CCND3: variants seen among roughly 807,000 people sequenced by gnomAD.
CCND3 encodes cyclin D3, also known as G1/S-specific cyclin-D3.
CCND3 carries 9 observed loss-of-function variants against 28.7 expected under a neutral mutation model. The observed-to-expected ratio is 0.31, with a 90% CI of 0.19 to 0.55. The LOEUF is 0.55. CCND3 is among the 20% of genes least tolerant of loss of function. The probability of loss-of-function intolerance (pLI) is 0.93; values close to 1 mark genes in which losing one functional copy is unlikely to be tolerated. For missense variants in CCND3, 315 were observed against 385.8 expected (o/e 0.82, Z 1.54); for synonymous variants, 164 against 163.9 (o/e 1.00, Z 0.00).
At chr6:41,943,538 A>G (rs191038664), upstream of CCND3, among the ~76,000 whole-genome samples, 546 of 152,338 alleles carry the variant, frequency 3.6e-3, 4 homozygotes, top group Non-Finnish European at 6.7e-3. Flanking sequence ...AATTATTTCT[A>G]GTTCTTCTCT....
intron 1 of CCND3, among the ~76,000 whole-genome samples, chr6:41,980,111 G>A (rs1762299580): frequency 7.8e-6 from 1 of 127,504 alleles, no homozygotes; most frequent in Non-Finnish European, 1.6e-5. Context: ...GAAGTATCAG[G>A]CTCAGATAGG....
chr6:41,935,837 A>AAAGCC lies in CCND3; in HGVS notation c.*102_*103insGGCTT. 9.0e-7 allele frequency: 1 copy of AAAGCC among 1,116,378 alleles called. No individual in the cohort carries two copies. Among genetic ancestry groups the AAAGCC allele is most frequent in the South Asian group, 1.3e-5 (1 of 75,492 alleles). 69.2% of individuals were successfully genotyped at this position (1,116,378 alleles called of 1,614,324 possible). On this transcript the variant is annotated 3_prime_UTR_variant, in exon 5 of 5. Coordinates refer to ENST00000372991, the MANE Select transcript of CCND3 (RefSeq NM_001760.5). ...CTTGGGCTTTGTGAAGGGGGAACAG[A>AAAGCC]CGCCCCTTCAGGCTTAGATGTGGTG...
intron 1 of CCND3, among the ~76,000 whole-genome samples, chr6:42,022,871 C>T (rs543075998): frequency 2.6e-5 from 4 of 152,202 alleles, no homozygotes; most frequent in Admixed American, 2.6e-4. Context: ...AGTGGGATGG[C>T]GCTGGCCTAA....
At chr6:42,023,323 A>G (rs4714552) in intron 1 of CCND3, among the ~76,000 whole-genome samples, 118,087 of 152,194 alleles carry the variant, frequency 0.78, 45,951 homozygotes, top group East Asian at 0.93. Context: ...GTACAAGATG[A>G]CTGTATGCGC....
At chr6:42,000,442 G>T (rs13207451) in intron 1 of CCND3, among the ~76,000 whole-genome samples, 4 of 149,666 alleles carry the variant, frequency 2.7e-5, no homozygotes, top group Non-Finnish European at 5.9e-5. Context: ...GGGTTTCATC[G>T]TGGTCTCGAT....
intron 1 of CCND3, among the ~76,000 whole-genome samples, chr6:41,965,161 C>T (rs560934074): frequency 2.7e-4 from 39 of 145,230 alleles, no homozygotes; most frequent in African/African-American, 9.4e-4. Flanking sequence ...CTTCCGCCTC[C>T]TGGGTTCAAG....
At chr6:41,993,957 A>AGC (rs1762727654) in intron 1 of CCND3, among the ~76,000 whole-genome samples, 2 of 141,242 alleles carry the variant, frequency 1.4e-5, no homozygotes, top group Non-Finnish European at 3.1e-5. Flanking sequence ...AAAAAAAAAA[A>AGC]AAAAAGAGCT....
At chr6:42,049,131 A>C (rs981849562), upstream of CCND3, among the ~76,000 whole-genome samples, 37 of 152,016 alleles carry the variant, frequency 2.4e-4, no homozygotes, top group African/African-American at 8.7e-4. Flanking sequence ...CGCCTCCCGG[A>C]TTCAAGCTAT....
At chr6:41,945,939 C>T (rs570125804), upstream of CCND3, among the ~76,000 whole-genome samples, 4 of 152,280 alleles carry the variant, frequency 2.6e-5, no homozygotes, top group African/African-American at 9.6e-5. Flanking sequence ...GAACATGCAT[C>T]CATAACCCCT....
intron 1 of CCND3, among the ~76,000 whole-genome samples, chr6:42,007,919 C>G (rs935987492): frequency 6.6e-6 from 1 of 151,570 alleles, no homozygotes; most frequent in Non-Finnish European, 1.5e-5. Flanking sequence ...AGAAACCTGA[C>G]GGTGACAGGA....
intron 1 of CCND3, among the ~76,000 whole-genome samples, chr6:42,030,637 TCACCAC>T (rs1764016939): frequency 6.6e-6 from 1 of 152,160 alleles, no homozygotes; most frequent in Admixed American, 6.5e-5. Flanking sequence ...TTCCCCAGAC[TCACCAC>T]CACAGCCTGG....
chr6:41,967,765 G>A (rs1369239086), intron 1 of CCND3, among the ~76,000 whole-genome samples: 1 of 152,156 alleles, frequency 6.6e-6, no homozygotes, highest in Non-Finnish European at 1.5e-5. Flanking sequence ...GTGACTTGCA[G>A]AACCTGTTAA....
intron 1 of CCND3, among the ~76,000 whole-genome samples, chr6:42,012,625 T>C (rs931780965): frequency 6.6e-6 from 1 of 151,874 alleles, no homozygotes; most frequent in Non-Finnish European, 1.5e-5. Context: ...TAAAATAAAA[T>C]GATGAGTGAA....
intron 1 of CCND3, among the ~76,000 whole-genome samples, chr6:41,950,184 C>T (rs777253628): frequency 6.6e-6 from 1 of 151,656 alleles, no homozygotes; most frequent in Non-Finnish European, 1.5e-5. Flanking sequence ...ATGAGGCTTT[C>T]CTGTTCTGTC....
intron 1 of CCND3, among the ~76,000 whole-genome samples, chr6:41,948,845 C>CAAA (rs112279157): frequency 2.1e-5 from 2 of 95,466 alleles, no homozygotes; most frequent in Admixed American, 1.1e-4. Flanking sequence ...GACTCCATCT[C>CAAA]AAAAAAAAAA....
At chr6:41,946,103 T>C (rs998049570), upstream of CCND3, among the ~76,000 whole-genome samples, 2 of 152,066 alleles carry the variant, frequency 1.3e-5, no homozygotes, top group African/African-American at 4.8e-5. Context: ...GCCACTCCAC[T>C]CCCTCACTGT....
In CCND3 at chr6:42,034,462, GT is replaced by G. The variant is rs1167786553; in HGVS notation, c.-46+14038del. On this transcript the variant is annotated intron_variant, in intron 1 of 4. Coordinates refer to the CCND3 transcript ENST00000372988. ...TGAGCCACCGTGCCTGGCCAACCCT[GT>G]CACTCTTTTTTTTTTTTTTTTTTTT... 4.2e-5 allele frequency among the ~76,000 whole-genome samples: 5 copies of G among 119,746 alleles called. No homozygotes were observed. The East Asian group carries it at 8.8e-4, about 21-fold the overall frequency. The allele number at this position is 119,746 out of a possible 152,430, so 78.6% of individuals were successfully genotyped here.
At chr6:42,032,826 T>C (rs1402771570) in intron 1 of CCND3, among the ~76,000 whole-genome samples, 1 of 152,238 alleles carries the variant, frequency 6.6e-6, no homozygotes, top group Non-Finnish European at 1.5e-5. Flanking sequence ...TGCCCTCATC[T>C]TCCTGTAGTT....
intron 1 of CCND3, among the ~76,000 whole-genome samples, chr6:41,960,684 A>G (rs1281143067): frequency 6.6e-6 from 1 of 152,242 alleles, no homozygotes; most frequent in Non-Finnish European, 1.5e-5. Flanking sequence ...AGATATTTAC[A>G]TTGGCAAAAA....
Sources: allele counts gnomAD v4.1 joint callset (sites outside exome capture counted in the v4.1 genomes callset), GRCh38; gene constraint gnomAD v4.1.1; transcripts MANE v1.5; gene names NCBI Gene and HGNC (gene_info 2026-07-23, HGNC 2026-07-21).